The following CFAP43 variants were observed in gnomAD, a reference collection of about 807,000 sequenced individuals.
The protein encoded by CFAP43 is cilia- and flagella-associated protein 43.
CFAP43 carries 155 observed loss-of-function variants against 218.9 expected under a neutral mutation model. The observed-to-expected ratio is 0.71, with a 90% CI of 0.62 to 0.81. CFAP43 has a LOEUF of 0.81. Ranked by LOEUF, CFAP43 falls within the 30% of genes least tolerant of loss-of-function variation. CFAP43 has a pLI of 0.00. For synonymous variants in CFAP43, 645 were observed against 681.3 expected (o/e 0.95, Z 0.83); for missense variants, 1,778 against 1,954.3 (o/e 0.91, Z 1.70).
chr10:104,179,027 A>C lies in CFAP43; in HGVS notation c.2460+2T>G. The C allele has an allele frequency of 1.2e-6, 2 of 1,607,174 alleles. No homozygotes were observed. The highest frequency in any genetic ancestry group is 1.7e-6 in the Non-Finnish European group (2 of 1,174,584). ...ATTAGAATATGAAATTACAACACTTACAGTTTTGGAAAGTGATTTGATTCC... is the reference window on the plus strand; with the variant it reads ...ATTAGAATATGAAATTACAACACTTCCAGTTTTGGAAAGTGATTTGATTCC... On this transcript the variant is annotated splice_donor_variant, in intron 19 of 37. Coordinates refer to ENST00000357060, the MANE Select transcript of CFAP43 (RefSeq NM_025145.7). LOFTEE classifies it high-confidence loss of function.
chr10:104,232,111 G>A, intron 1 of CFAP43, 71 bp downstream of exon 1: 5 of 1,524,040 alleles, frequency 3.3e-6, no homozygotes, highest in Non-Finnish European at 4.4e-6. Context: ...GGAGGGAGAG[G>A]AGGGAGGAGG....
chr10:104,166,551 T>C lies in CFAP43; in HGVS notation c.2976A>G (p.Leu992=). 3.1e-6 allele frequency: 5 copies of C among 1,614,122 alleles called. No individual in the cohort carries two copies. The highest frequency in any genetic ancestry group is 4.2e-6 in the Non-Finnish European group (5 of 1,180,020). The change falls in exon 23 of 38, where the codon TTA becomes TTG. Residue 992 remains leucine, a synonymous_variant. Coordinates refer to ENST00000357060, the MANE Select transcript of CFAP43 (RefSeq NM_025145.7). ...AATGAAGCTCCAATTGGCTTGACAA[T>C]AAAGAGGTATCTACCCCAAAATCAG... ...LSTDFGVDTS[L]LSSQLELHSR...
intron 28 of CFAP43, among the ~76,000 whole-genome samples, chr10:104,151,389 C>T (rs1233998221): frequency 6.6e-6 from 1 of 152,208 alleles, no homozygotes; most frequent in Admixed American, 6.5e-5. Flanking sequence ...CTTTTCTCCA[C>T]AGCCTCACCA....
chr10:104,163,842 G>A (rs187999467), intron 24 of CFAP43, among the ~76,000 whole-genome samples: 1 of 152,348 alleles, frequency 6.6e-6, no homozygotes, highest in African/African-American at 2.4e-5. Context: ...GAAGGCTTCT[G>A]GGCCTCCCAT....
At chr10:104,215,919 G>C (rs2090999901) in intron 3 of CFAP43, among the ~76,000 whole-genome samples, 1 of 152,024 alleles carries the variant, frequency 6.6e-6, no homozygotes, top group Admixed American at 6.5e-5. Context: ...TCCACCACCT[G>C]TGCTCTGGGT....
intron 1 of CFAP43, among the ~76,000 whole-genome samples, 176 bp downstream of exon 1, chr10:104,232,006 G>C (rs1019365212): frequency 1.3e-5 from 2 of 151,732 alleles, no homozygotes; most frequent in African/African-American, 2.4e-5. Flanking sequence ...ATGGGGAGCG[G>C]ACAGGGGAGG....
At position 104,161,156 on chromosome 10, in the gene CFAP43, G is replaced by A. The variant is rs2088849427; in HGVS notation, c.3421C>T (p.Pro1141Ser). The change falls in exon 27 of 38, where the codon CCT becomes TCT. Residue 1141 changes from proline to serine, a missense_variant. Pro to Ser is a moderately conservative substitution (Grantham distance 74). Transcript: ENST00000357060. ...GGTTTTGCCATGAAAGCAGGTTGAG[G>A]AATCACCTGAAGATATGAAGAAAAG... Reference protein sequence around the residue: ...KKEDILRMVIPQPAFMAKPDA... With the variant: ...KKEDILRMVISQPAFMAKPDA... 1 of 1,613,490 alleles carries A rather than the reference G, an allele frequency of 6.2e-7. No individual in the cohort carries two copies. Among genetic ancestry groups the A allele is most frequent in the Non-Finnish European group, 8.5e-7 (1 of 1,179,744 alleles).
At chr10:104,136,436 T>A (rs545149188) in intron 34 of CFAP43, among the ~76,000 whole-genome samples, 44 of 151,824 alleles carry the variant, frequency 2.9e-4, no homozygotes, top group Non-Finnish European at 6.3e-4. Flanking sequence ...AGTGGCGCCA[T>A]CTCGCCTCAC....
intron 27 of CFAP43, among the ~76,000 whole-genome samples, chr10:104,156,967 A>T (rs1209950042): frequency 6.6e-6 from 1 of 152,226 alleles, no homozygotes; most frequent in Non-Finnish European, 1.5e-5. Context: ...TCTGTAAGCA[A>T]CTGGCAAGGG....
intron 28 of CFAP43, among the ~76,000 whole-genome samples, chr10:104,151,224 T>A (rs1352073524): frequency 1.3e-5 from 2 of 152,250 alleles, no homozygotes; most frequent in African/African-American, 4.8e-5. Context: ...TGTGTCTTTA[T>A]AATAGAACAA....
At chr10:104,186,274 T>C (rs773259367) in intron 14 of CFAP43, 151 bp from the exon 15 acceptor site, 6 of 623,442 alleles carry the variant, frequency 9.6e-6, no homozygotes, top group Non-Finnish European at 1.5e-5. Context: ...TAAATGGATA[T>C]AGGATAAAGT....
At chr10:104,185,908 TA>T in intron 15 of CFAP43, 65 bp downstream of exon 15, 1 of 1,448,892 alleles carries the variant, frequency 6.9e-7, no homozygotes, top group Non-Finnish European at 9.3e-7. Flanking sequence ...TATATACATA[TA>T]AAATGTTTCC....
chr10:104,129,989 G>T lies in CFAP43; in HGVS notation c.*150C>A. 2.2e-6 allele frequency: 2 copies of T among 922,000 alleles called. No individual in the cohort carries two copies. The highest frequency in any genetic ancestry group is 3.0e-6 in the Non-Finnish European group (2 of 656,824). 57.1% of individuals were successfully genotyped at this position (922,000 alleles called of 1,614,324 possible). A position where few individuals can be genotyped will look rare whatever the true frequency, so the allele number is the denominator to read the frequency against. ...GGACAAAAATTTGTATACAATTAAGGCTAAAATTAAACAATTTTTTATCTA... is the reference window on the plus strand; with the variant it reads ...GGACAAAAATTTGTATACAATTAAGTCTAAAATTAAACAATTTTTTATCTA... On this transcript the variant is annotated 3_prime_UTR_variant, in exon 38 of 38. Coordinates refer to ENST00000357060, the MANE Select transcript of CFAP43 (RefSeq NM_025145.7).
chr10:104,215,441 C>A (rs2090986831), intron 3 of CFAP43, among the ~76,000 whole-genome samples: 1 of 152,142 alleles, frequency 6.6e-6, no homozygotes, highest in Non-Finnish European at 1.5e-5. Context: ...ACACATCAAC[C>A]ACACTCTTGC....
chr10:104,162,525 C>A, intron 24 of CFAP43, 122 bp from the exon 25 acceptor site: 2 of 795,860 alleles, frequency 2.5e-6, no homozygotes, highest in Non-Finnish European at 4.3e-6. Flanking sequence ...GCAGACTTTG[C>A]ACCCAATTTT....
chr10:104,206,944 C>T (rs1240422598), intron 6 of CFAP43, among the ~76,000 whole-genome samples: 3 of 152,280 alleles, frequency 2.0e-5, no homozygotes, highest in Admixed American at 6.5e-5. Context: ...GAGGCCAAGG[C>T]AGGCAGATCA....
At chr10:104,136,517 C>T (rs2087459163) in intron 34 of CFAP43, among the ~76,000 whole-genome samples, 1 of 151,758 alleles carries the variant, frequency 6.6e-6, no homozygotes, top group Non-Finnish European at 1.5e-5. Context: ...ATTACAGGTG[C>T]CTGCCACCAT....
chr10:104,150,698 T>G (rs760316835), intron 28 of CFAP43, among the ~76,000 whole-genome samples: 1 of 152,200 alleles, frequency 6.6e-6, no homozygotes, highest in Non-Finnish European at 1.5e-5. Context: ...CATGTAAATT[T>G]GGGAGACCCG....
intron 28 of CFAP43, among the ~76,000 whole-genome samples, chr10:104,149,168 G>A (rs1024035090): frequency 1.3e-5 from 2 of 152,034 alleles, no homozygotes; most frequent in African/African-American, 4.8e-5. Context: ...TTGAAAAATG[G>A]CAGCTGGGTC....
Sources: gnomAD v4.1 joint callset for allele counts (sites outside exome capture counted in the v4.1 genomes callset) on GRCh38, gnomAD v4.1.1 for gene constraint, MANE v1.5 for transcripts, NCBI Gene and HGNC (gene_info 2026-07-23, HGNC 2026-07-21) for gene names.